The following ORC5 variants were observed in gnomAD, a reference collection of about 807,000 sequenced individuals.
ORC5 encodes the protein protein phosphatase 1, regulatory subunit 117.
Under a neutral mutation model 58.8 loss-of-function variants are expected in ORC5, and 39 were observed. The ratio of observed to expected loss-of-function variants is 0.66; its 90% CI spans 0.51 to 0.87. The LOEUF (loss-of-function observed/expected upper bound fraction) is 0.87, where lower values mean the gene tolerates loss of function less well. Ranked by LOEUF, ORC5 falls within the 40% of genes least tolerant of loss-of-function variation. The probability of loss-of-function intolerance (pLI) is 0.00; values close to 1 mark genes in which losing one functional copy is unlikely to be tolerated. For missense variants in ORC5, 493 were observed against 506.3 expected, an observed-to-expected ratio of 0.97 and a Z score of 0.25; for synonymous variants, 218 against 177.6, an observed-to-expected ratio of 1.23 and a Z score of -1.81.
intron 11 of ORC5, among the ~76,000 whole-genome samples, chr7:104,163,832 T>A (rs898507372): frequency 2.6e-5 from 4 of 152,204 alleles, no homozygotes; most frequent in Admixed American, 1.3e-4. Context: ...TCTATCCTAA[T>A]ATTAACATAT....
chr7:104,133,136 C>T lies in ORC5; in HGVS notation c.1262+3645G>A, dbSNP rs1016269899. Reference sequence around the variant, plus strand: ...AAGATTCTGTTATTTATCCCAAGAGCTATGGGAAACTACTGAATATTTTTA... The same window carrying T: ...AAGATTCTGTTATTTATCCCAAGAGTTATGGGAAACTACTGAATATTTTTA... On this transcript the variant is annotated intron_variant, in intron 13 of 13. Coordinates refer to ENST00000297431, the MANE Select transcript of ORC5 (RefSeq NM_002553.4). This position sits in a 1 kb window ranked among gnomAD's most constrained non-coding sequence, Gnocchi z 4.7. 3.3e-5 allele frequency among the ~76,000 whole-genome samples: 5 copies of T among 152,076 alleles called. No homozygotes were observed. Among genetic ancestry groups the T allele is most frequent in the Admixed American group, 6.6e-5 (1 of 15,266 alleles).
chr7:104,188,422 G>C (rs1009719290), intron 5 of ORC5, 41 bp from the exon 6 acceptor site: 1 of 1,507,678 alleles, frequency 6.6e-7, no homozygotes, highest in Non-Finnish European at 9.1e-7. Context: ...GATTAACATA[G>C]TACACTAATC....
At chr7:104,198,056 TCTCA>T (rs1178350817) in intron 3 of ORC5, among the ~76,000 whole-genome samples, 2 of 152,218 alleles carry the variant, frequency 1.3e-5, no homozygotes, top group African/African-American at 4.8e-5. Context: ...CACCTCTTGC[TCTCA>T]CTCTCATCCT....
chr7:104,148,772 A>T (rs1798800234), intron 12 of ORC5, among the ~76,000 whole-genome samples: 1 of 152,154 alleles, frequency 6.6e-6, no homozygotes, highest in Non-Finnish European at 1.5e-5. Flanking sequence ...GTTGGCTCAC[A>T]CCTGTAACCC....
chr7:104,177,052 TCA>T (rs1799336862), intron 8 of ORC5, among the ~76,000 whole-genome samples: 1 of 152,240 alleles, frequency 6.6e-6, no homozygotes, highest in South Asian at 2.1e-4. Flanking sequence ...TTTAAGATTC[TCA>T]CTTAGGTGAA....
intron 12 of ORC5, among the ~76,000 whole-genome samples, chr7:104,155,620 C>G (rs930437316): frequency 6.6e-6 from 1 of 151,418 alleles, no homozygotes; most frequent in Non-Finnish European, 1.5e-5. Context: ...AAACATATTC[C>G]TTTTACAAGT....
At chr7:104,145,502 C>A (rs967437075) in intron 12 of ORC5, among the ~76,000 whole-genome samples, 1 of 151,926 alleles carries the variant, frequency 6.6e-6, no homozygotes, top group African/African-American at 2.4e-5. Context: ...TTACAGAAGG[C>A]TTCTCATTCA....
intron 11 of ORC5, among the ~76,000 whole-genome samples, chr7:104,162,098 G>A (rs567853458): frequency 6.6e-6 from 1 of 152,272 alleles, no homozygotes; most frequent in East Asian, 1.9e-4. Context: ...AACTCATATA[G>A]TATAATTCAT....
chr7:104,128,402 C>CCT (rs1798462388), intron 13 of ORC5, among the ~76,000 whole-genome samples: 2 of 152,144 alleles, frequency 1.3e-5, no homozygotes, highest in South Asian at 4.1e-4. Context: ...GGATCACAGG[C>CCT]GTGAGCCACC....
chr7:104,198,065 C>T (rs1799844826), intron 3 of ORC5, among the ~76,000 whole-genome samples: 3 of 152,240 alleles, frequency 2.0e-5, no homozygotes, highest in Non-Finnish European at 4.4e-5. Context: ...CTCTCACTCT[C>T]ATCCTCTCTT....
intron 9 of ORC5, among the ~76,000 whole-genome samples, chr7:104,167,146 C>T (rs906997665): frequency 6.6e-5 from 10 of 152,094 alleles, no homozygotes; most frequent in African/African-American, 2.2e-4. Context: ...TTCAAGGCCA[C>T]GCTCTCCATT....
At chr7:104,184,512 A>C in intron 6 of ORC5, 1 of 212,220 alleles carries the variant, frequency 4.7e-6, no homozygotes. Context: ...AAACAGCAAA[A>C]ATACTAATAA....
chr7:104,179,678 C>A (rs2115949348), intron 8 of ORC5, among the ~76,000 whole-genome samples: 1 of 150,994 alleles, frequency 6.6e-6, no homozygotes, highest in African/African-American at 2.4e-5. Flanking sequence ...TCACAGTCTT[C>A]ATTTAATTTT....
intron 11 of ORC5, among the ~76,000 whole-genome samples, chr7:104,163,770 T>C (rs1185525970): frequency 6.6e-6 from 1 of 152,106 alleles, no homozygotes; most frequent in Non-Finnish European, 1.5e-5. Context: ...GGACTACAGG[T>C]GTGAGGCACC....
chr7:104,178,693 G>T (rs947615652), intron 8 of ORC5, among the ~76,000 whole-genome samples: 2 of 151,852 alleles, frequency 1.3e-5, no homozygotes, highest in Non-Finnish European at 2.9e-5. Flanking sequence ...TATGGTTTTG[G>T]GTTTTACATT....
intron 12 of ORC5, among the ~76,000 whole-genome samples, chr7:104,158,633 A>G (rs1197248782): frequency 6.6e-6 from 1 of 152,054 alleles, no homozygotes; most frequent in Non-Finnish European, 1.5e-5. Context: ...TTTACAAAAA[A>G]ATAAACAAAC....
At chr7:104,163,032 C>T (rs1799048899) in intron 11 of ORC5, among the ~76,000 whole-genome samples, 1 of 152,078 alleles carries the variant, frequency 6.6e-6, no homozygotes, top group Non-Finnish European at 1.5e-5. Flanking sequence ...TTTTAAATTA[C>T]CTTACAGAAT....
chr7:104,197,329 G>A (rs1334117768), intron 4 of ORC5, among the ~76,000 whole-genome samples: 1 of 152,158 alleles, frequency 6.6e-6, no homozygotes, highest in Non-Finnish European at 1.5e-5. Flanking sequence ...CTCTGACACT[G>A]AGTGATTATA....
rs1798448080 is a variant in ORC5 at position 104,127,512 on chromosome 7, T to C, written c.1263-619A>G. Among the ~76,000 whole-genome samples the C allele has an allele frequency of 1.3e-5, 2 of 150,732 alleles. 1 individual carries two copies. The highest frequency in any genetic ancestry group is 4.2e-4 in the South Asian group (2 of 4,754). ...AGAGAGACATATAATTATTCTCCTT[T>C]CACAAAACTCATTCTTCACTATAAA... On this transcript the variant is annotated intron_variant, in intron 13 of 13. Transcript: ENST00000297431.
Sources: gnomAD v4.1 joint callset for allele counts (sites outside exome capture counted in the v4.1 genomes callset) on GRCh38, gnomAD v4.1.1 for gene constraint, Gnocchi (gnomAD v3.1) non-coding constraint, MANE v1.5 for transcripts, NCBI Gene and HGNC (gene_info 2026-07-23, HGNC 2026-07-21) for gene names.